FERMT1: variants seen among roughly 807,000 people sequenced by gnomAD.
FERMT1 encodes the protein FERM domain containing kindlin 1, also known as fermitin family homolog 1.
Under a neutral mutation model 85.3 loss-of-function variants are expected in FERMT1, and 60 were observed. That is an observed-to-expected ratio of 0.70 (90% CI 0.57 to 0.87). The LOEUF is 0.87. Among genes scored for constraint, FERMT1 ranks in the 40% least tolerant of loss-of-function variants. The pLI is 0.00. For synonymous variants in FERMT1, 275 were observed against 301.1 expected, an observed-to-expected ratio of 0.91 and a Z score of 0.90; for missense variants, 701 against 818.9, an observed-to-expected ratio of 0.86 and a Z score of 1.76.
At chr20:6,113,570 C>A (rs6038359) in intron 3 of FERMT1, among the ~76,000 whole-genome samples, 4 of 152,038 alleles carry the variant, frequency 2.6e-5, no homozygotes, top group Non-Finnish European at 5.9e-5. Flanking sequence ...TGGCTTCTGG[C>A]GGAATCTAGA....
At chr20:6,122,313 G>A (rs1480825591) in intron 1 of FERMT1, among the ~76,000 whole-genome samples, 1 of 152,242 alleles carries the variant, frequency 6.6e-6, no homozygotes, top group Non-Finnish European at 1.5e-5. Flanking sequence ...CATCTAAGGA[G>A]ACCAAAACAA....
At chr20:6,091,741 T>TA (rs1982375069) in intron 9 of FERMT1, among the ~76,000 whole-genome samples, 1 of 152,156 alleles carries the variant, frequency 6.6e-6, no homozygotes, top group Non-Finnish European at 1.5e-5. Flanking sequence ...AGATCTCAAG[T>TA]TCCTCCTCCT....
intron 6 of FERMT1, among the ~76,000 whole-genome samples, chr20:6,107,270 A>G (rs1211736345): frequency 2.6e-5 from 4 of 151,998 alleles, no homozygotes; most frequent in African/African-American, 9.7e-5. Flanking sequence ...CATTCCTGCA[A>G]ATGGAGGGGG....
At position 6,112,550 on chromosome 20, in the gene FERMT1, G is replaced by A. The variant is rs769642349; in HGVS notation, c.459C>T (p.Asp153=). The stretch of plus-strand genomic sequence containing the variant: ...CAATTATGGGTTCCTTATTATTTTT[G>A]TCTTTTTTCTTCTTCTTCTTAAAAT... ...GDYFKKKKKK[D]KNNKEPIIED... is the part of the protein sequence containing the mutation. Residue 153 remains aspartate (D), a synonymous_variant, in exon 4 of 15, where the codon GAC becomes GAT. Transcript: ENST00000217289. The A allele has an allele frequency of 3.7e-6, 6 of 1,610,648 alleles. No homozygotes were observed. The Admixed American group carries it at 1.0e-4, about 27-fold the overall frequency.
intron 9 of FERMT1, among the ~76,000 whole-genome samples, chr20:6,092,005 A>G (rs1982384600): frequency 6.6e-6 from 1 of 150,846 alleles, no homozygotes; most frequent in Admixed American, 6.6e-5. Flanking sequence ...CAGTGGTGCA[A>G]TCTCGGCTCA....
At chr20:6,117,527 G>A (rs560406874) in intron 2 of FERMT1, among the ~76,000 whole-genome samples, 16 of 151,738 alleles carry the variant, frequency 1.1e-4, no homozygotes, top group African/African-American at 2.7e-4. Context: ...TCTGCCTCCC[G>A]TGTTCAAGTG....
rs759081476 is a variant in FERMT1 at position 6,084,146 on chromosome 20, C to T, written c.1612G>A (p.Glu538Lys). 2 of 1,612,948 alleles carry T rather than the reference C, an allele frequency of 1.2e-6. No homozygotes were observed. The highest frequency in any genetic ancestry group is 1.7e-5 in the Admixed American group (1 of 59,796). Residue 538 changes from glutamate (E) to lysine (K), a missense_variant, in exon 13 of 15, where the codon GAG becomes AAG. Coordinates refer to ENST00000217289, the MANE Select transcript of FERMT1 (RefSeq NM_017671.5). ...KSKQLAARIL[E>K]AHQNVAQMPL... ...ATCTGGGCCACGTTCTGGTGCGCCT[C>T]CAGGATCCGGGCGGCCAGCTGAACA... is the stretch of plus-strand genomic sequence containing the variant.
At chr20:6,114,574 T>C (rs1983047350) in intron 3 of FERMT1, among the ~76,000 whole-genome samples, 1 of 152,226 alleles carries the variant, frequency 6.6e-6, no homozygotes, top group Non-Finnish European at 1.5e-5. Flanking sequence ...CATTAGAATA[T>C]TACCAAAAAC....
In FERMT1 at chr20:6,111,679, C is replaced by T. The variant is rs561492295; in HGVS notation, c.532+798G>A. 5.0e-4 allele frequency among the ~76,000 whole-genome samples: 75 copies of T among 148,950 alleles called. 2 individuals are homozygous for T. The East Asian group carries it at 0.014, about 27-fold the overall frequency. On this transcript the variant is annotated intron_variant, in intron 4 of 14. Transcript: ENST00000217289. ...AACAAAAAATGAAGAAAGAAAGCCT[C>T]AATCTTGCAAGCAAGCTAGAGATTT...
In FERMT1 at chr20:6,094,813, G is replaced by T. The variant is rs1982458471; in HGVS notation, c.1139+126C>A. On this transcript the variant is annotated intron_variant, in intron 9 of 14. Transcript: ENST00000217289. Reference sequence around the variant, plus strand: ...CGACTCAACCCATTGTTTGTCTGATGGCAAAGCGCACATTTTACCTTTGAA... The same window carrying T: ...CGACTCAACCCATTGTTTGTCTGATTGCAAAGCGCACATTTTACCTTTGAA... 5.6e-6 allele frequency: 4 copies of T among 714,390 alleles called. No homozygotes were observed. The East Asian group carries it at 1.0e-4, about 18-fold the overall frequency. The allele number at this position is 714,390 out of a possible 1,614,324, so 44.3% of individuals were successfully genotyped here.
At chr20:6,077,491 C>A in intron 14 of FERMT1, 145 bp from the exon 15 acceptor site, 3 of 776,788 alleles carry the variant, frequency 3.9e-6, no homozygotes, top group Non-Finnish European at 4.2e-6. Context: ...AAAACCATCA[C>A]TTCCATTAAA....
In FERMT1 at chr20:6,076,966, G is replaced by C. The variant is rs755160970; in HGVS notation, c.*207C>G. 60 of 599,046 alleles carry C rather than the reference G, an allele frequency of 1.0e-4. No homozygotes were observed. Among genetic ancestry groups the C allele is most frequent in the Non-Finnish European group, 1.5e-4 (50 of 337,508 alleles). 37.1% of individuals were successfully genotyped at this position (599,046 alleles called of 1,614,324 possible). ...CCTACCCATTTTATAGAAAAAACAA[G>C]AGAGGCTCCTTCCGTGGCTGGTAGC... On this transcript the variant is annotated 3_prime_UTR_variant, in exon 15 of 15. Transcript: ENST00000217289.
rs2281532 is a variant in FERMT1 at position 6,122,940 on chromosome 20, T to C, written c.-185A>G. 0.17 allele frequency: 26,371 copies of C among 152,406 alleles called. 2,524 individuals carry two copies. Among genetic ancestry groups the C allele is most frequent in the East Asian group, 0.3 (1,562 of 5,164 alleles). 9.4% of individuals were successfully genotyped at this position (152,406 alleles called of 1,614,324 possible). ...AGCTAAGGCTGCGGCAGGTGAGGGC[T>C]GGAGCCAGGGCGAGCAGGCGAAGCT... On this transcript the variant is annotated 5_prime_UTR_variant, in exon 1 of 15. Coordinates refer to ENST00000217289, the MANE Select transcript of FERMT1 (RefSeq NM_017671.5).
chr20:6,088,809 AGATGG>A (rs1372034140), intron 10 of FERMT1, among the ~76,000 whole-genome samples, 151 bp downstream of exon 10: 1 of 151,726 alleles, frequency 6.6e-6, no homozygotes, highest in Non-Finnish European at 1.5e-5. Flanking sequence ...TTTTTAGTAG[AGATGG>A]GGTTTCACCA....
intron 13 of FERMT1, among the ~76,000 whole-genome samples, chr20:6,083,697 AAAAAAAAAC>A (rs1982072567): frequency 6.7e-6 from 1 of 149,418 alleles, no homozygotes; most frequent in Non-Finnish European, 1.5e-5. Flanking sequence ...ATCTCTTAAA[AAAAAAAAAC>A]AAAAAAAAAA....
intron 13 of FERMT1, among the ~76,000 whole-genome samples, chr20:6,083,322 G>C (rs1312169313): frequency 6.6e-6 from 1 of 152,160 alleles, no homozygotes; most frequent in Non-Finnish European, 1.5e-5. Context: ...ACTTGGACAA[G>C]TCACTTAAGC....
intron 9 of FERMT1, among the ~76,000 whole-genome samples, chr20:6,092,283 G>A: frequency 6.6e-6 from 1 of 152,194 alleles, no homozygotes; most frequent in South Asian, 2.1e-4. Flanking sequence ...GGTGGCTCAT[G>A]CCTGGAATCC....
At chr20:6,097,775 G>A in intron 6 of FERMT1, 144 bp from the exon 7 acceptor site, 6 of 681,994 alleles carry the variant, frequency 8.8e-6, no homozygotes, top group East Asian at 2.7e-5. Flanking sequence ...CTTCTATTGT[G>A]CCATATACTC....
intron 6 of FERMT1, among the ~76,000 whole-genome samples, chr20:6,098,527 C>T (rs1982569655): frequency 6.6e-6 from 1 of 151,310 alleles, no homozygotes; most frequent in African/African-American, 2.4e-5. Context: ...TCAATAAAGC[C>T]TTATCTAGAA....
Sources: gnomAD v4.1 joint callset for allele counts (sites outside exome capture counted in the v4.1 genomes callset) on GRCh38, gnomAD v4.1.1 for gene constraint, MANE v1.5 for transcripts, NCBI Gene and HGNC (gene_info 2026-07-23, HGNC 2026-07-21) for gene names.